Variants in MET observed in about 807,000 individuals in gnomAD.
MET encodes the protein hepatocyte growth factor receptor.
A neutral mutation model predicts 133.1 loss-of-function variants in MET; 48 were observed. The observed-to-expected ratio is 0.36, with a 90% CI of 0.29 to 0.46. The LOEUF (loss-of-function observed/expected upper bound fraction) is 0.46, where lower values mean the gene tolerates loss of function less well. MET is among the 20% of genes least tolerant of loss of function. The probability of loss-of-function intolerance (pLI) is 1.00; values close to 1 mark genes in which losing one functional copy is unlikely to be tolerated. For missense variants in MET, 1,442 were observed against 1,695.9 expected (o/e 0.85, Z 2.63); for synonymous variants, 628 against 616.5 (o/e 1.02, Z -0.28).
intron 19 of MET, among the ~76,000 whole-genome samples, chr7:116,788,193 C>A (rs1462595458): frequency 1.3e-5 from 2 of 152,102 alleles, no homozygotes; most frequent in Non-Finnish European, 2.9e-5. Flanking sequence ...AGATAAACCA[C>A]AAATGGACAT....
chr7:116,717,298 G>A (rs1314014455), intron 2 of MET, among the ~76,000 whole-genome samples: 1 of 152,146 alleles, frequency 6.6e-6, no homozygotes, highest in Non-Finnish European at 1.5e-5. Flanking sequence ...ACAGTAAAGA[G>A]TTAAAATATG....
chr7:116,767,870 A>T (rs551490256), intron 11 of MET, among the ~76,000 whole-genome samples: 76 of 151,082 alleles, frequency 5.0e-4, no homozygotes, highest in African/African-American at 1.7e-3. Context: ...TATACCTTTT[A>T]AAATTTTTCC....
At chr7:116,692,275 A>G (rs905707871) in intron 1 of MET, among the ~76,000 whole-genome samples, 1 of 152,200 alleles carries the variant, frequency 6.6e-6, no homozygotes. Flanking sequence ...TCTATTTACT[A>G]TAAAGTGCTA....
rs188828405 is a variant in MET at position 116,717,943 on chromosome 7, C to T, written c.1201-13725C>T. Reference sequence around the variant, plus strand: ...ACTAAGTCAGGTAAAAAGAATCTGGCAAGTACTCATAGAAAGCTAAAGGAA... The same window carrying T: ...ACTAAGTCAGGTAAAAAGAATCTGGTAAGTACTCATAGAAAGCTAAAGGAA... On this transcript the variant is annotated intron_variant, in intron 2 of 20. Transcript: ENST00000397752. Among the ~76,000 whole-genome samples the T allele has an allele frequency of 2.8e-3, 432 of 152,114 alleles. 4 individuals are homozygous for T. Among genetic ancestry groups the T allele is most frequent in the Non-Finnish European group, 4.2e-3 (283 of 67,998 alleles).
chr7:116,768,818 A>C (rs867043640), intron 11 of MET, among the ~76,000 whole-genome samples: 3 of 152,216 alleles, frequency 2.0e-5, no homozygotes, highest in Non-Finnish European at 1.5e-5. Flanking sequence ...GAGAAATTAT[A>C]CCTAGGTTTG....
intron 1 of MET, among the ~76,000 whole-genome samples, chr7:116,673,147 G>C (rs1796032797): frequency 6.6e-6 from 1 of 152,202 alleles, no homozygotes; most frequent in Admixed American, 6.5e-5. Context: ...ATTATAACCA[G>C]AGGCTGAGCG....
At chr7:116,794,649 T>C (rs1418012091) in intron 19 of MET, among the ~76,000 whole-genome samples, 1 of 152,250 alleles carries the variant, frequency 6.6e-6, no homozygotes, top group African/African-American at 2.4e-5. Flanking sequence ...TCCAGCTGTC[T>C]GGTGTGGATT....
chr7:116,774,847 T>C (rs1331473056), intron 14 of MET, 34 bp from the exon 15 acceptor site: 1 of 1,533,922 alleles, frequency 6.5e-7, no homozygotes, highest in South Asian at 1.1e-5. Context: ...GAGGTTTTAC[T>C]GTTGTTCTTT....
rs764580322 is a variant in MET at position 116,731,687 on chromosome 7, C to T, written c.1220C>T (p.Ser407Leu). ...CFNRTLLRNSSGCEARRDEYR... is the reference protein window; with the variant it reads ...CFNRTLLRNSLGCEARRDEYR... ...TTCCAGACACTTCTGAGAAATTCAT[C>T]AGGCTGTGAAGCGCGCCGTGATGAA... Residue 407 changes from serine to leucine, a missense_variant, in exon 3 of 21, where the codon TCA (serine) becomes TTA (leucine). By Grantham distance (145) the Ser-to-Leu change is moderately radical. This residue lies in a region of MET where 762 missense variants were observed against 792.4 expected (regional missense o/e 0.96). Transcript: ENST00000397752. 1.2e-6 allele frequency: 2 copies of T among 1,614,100 alleles called. No homozygotes were observed. Among genetic ancestry groups the T allele is most frequent in the Non-Finnish European group, 1.7e-6 (2 of 1,179,972 alleles).
intron 5 of MET, among the ~76,000 whole-genome samples, chr7:116,748,200 C>T (rs140308712): frequency 0.011 from 1,738 of 152,244 alleles, 38 homozygotes; most frequent in African/African-American, 0.039. Flanking sequence ...GCCGCGAAGG[C>T]GCCACTGCAC....
chr7:116,763,933 A>G (rs1301299167), intron 11 of MET, among the ~76,000 whole-genome samples: 4 of 152,218 alleles, frequency 2.6e-5, no homozygotes, highest in Non-Finnish European at 4.4e-5. Context: ...TCAAATAATA[A>G]CACAGGCAAA....
chr7:116,793,541 C>G (rs2088633710), intron 19 of MET, among the ~76,000 whole-genome samples: 1 of 152,148 alleles, frequency 6.6e-6, no homozygotes, highest in Admixed American at 6.5e-5. Flanking sequence ...TTATGGGTCC[C>G]TAATCCCTTC....
chr7:116,757,325 C>G, intron 6 of MET, 112 bp from the exon 7 acceptor site: 1 of 823,854 alleles, frequency 1.2e-6, no homozygotes, highest in South Asian at 1.4e-5. Context: ...ACTCTGCTTG[C>G]TATTCAAAGC....
chr7:116,757,617 T>G (rs1794234130), intron 7 of MET, 21 bp from the exon 8 acceptor site: 6 of 1,613,868 alleles, frequency 3.7e-6, no homozygotes, highest in African/African-American at 1.3e-5. Context: ...TTACTTTGTT[T>G]TGTTTTTATC....
chr7:116,796,177 C>A lies in MET; in HGVS notation c.*53C>A, dbSNP rs1795670736. On this transcript the variant is annotated 3_prime_UTR_variant, in exon 21 of 21. Coordinates refer to ENST00000397752, the MANE Select transcript of MET (RefSeq NM_000245.4). ...CACACTTTGTCCAATGGTTTTTTCA[C>A]TGCCTGACCTTTAAAAGGCCATCGA... The A allele has an allele frequency of 1.3e-6, 2 of 1,523,724 alleles. No individual in the cohort carries two copies. Among genetic ancestry groups the A allele is most frequent in the South Asian group, 1.1e-5 (1 of 89,048 alleles). 94.4% of individuals were successfully genotyped at this position (1,523,724 alleles called of 1,614,324 possible).
Position 116,742,238 on chromosome 7 carries a change from T to A in MET, c.1701+1213T>A, listed in dbSNP as rs905615798. Among the ~76,000 whole-genome samples the A allele has an allele frequency of 7.2e-5, 11 of 152,318 alleles. No homozygotes were observed. The East Asian group carries it at 2.1e-3, about 29-fold the overall frequency. On this transcript the variant is annotated intron_variant, in intron 5 of 20. Coordinates refer to ENST00000397752, the MANE Select transcript of MET (RefSeq NM_000245.4). Reference sequence around the variant, plus strand: ...GCAAGATTTGTAGTGGGTGACTGGGTTTTAAACCAAGTTATTTTCTGTTAG... The same window carrying A: ...GCAAGATTTGTAGTGGGTGACTGGGATTTAAACCAAGTTATTTTCTGTTAG...
intron 2 of MET, among the ~76,000 whole-genome samples, chr7:116,717,544 C>A (rs1194128558): frequency 6.6e-6 from 1 of 152,130 alleles, no homozygotes; most frequent in Non-Finnish European, 1.5e-5. Context: ...AAAACCATTA[C>A]CATATCTAGC....
chr7:116,716,284 GGA>G (rs564115135), intron 2 of MET, among the ~76,000 whole-genome samples: 3,786 of 37,958 alleles, frequency 0.1, 198 homozygotes, highest in East Asian at 0.15. Context: ...AGGGAGAGAG[GGA>G]GAGAGAGAGA....
At chr7:116,718,908 T>G (rs1178871078) in intron 2 of MET, among the ~76,000 whole-genome samples, 1 of 146,322 alleles carries the variant, frequency 6.8e-6, no homozygotes, top group Non-Finnish European at 1.5e-5. Context: ...GACATTTGGG[T>G]TGGTTCCAAG....
Sources: gnomAD v4.1 joint callset for allele counts (sites outside exome capture counted in the v4.1 genomes callset) on GRCh38, gnomAD v4.1.1 for gene constraint, gnomAD v4.1.1 regional missense constraint, MANE v1.5 for transcripts, NCBI Gene and HGNC (gene_info 2026-07-23, HGNC 2026-07-21) for gene names.